The following SNX12 variants were observed in gnomAD, a reference collection of about 807,000 sequenced individuals.
SNX12 encodes sorting nexin 12, also known as sorting nexin-12.
For missense variants in SNX12, 62 were observed against 141.3 expected (o/e 0.44, Z 2.84); for synonymous variants, 47 against 56.0 (o/e 0.84, Z 0.71).
intron 3 of SNX12, among the ~76,000 whole-genome samples, 199 bp from the exon 4 acceptor site, chrX:71,061,317 A>T (rs2092130449): frequency 9.0e-6 from 1 of 111,665 alleles, no homozygotes; most frequent in African/African-American, 3.3e-5. Context: ...AAATCCCTAG[A>T]TATAACCAAC....
At chrX:71,066,355 C>T (rs762056282) in intron 1 of SNX12, among the ~76,000 whole-genome samples, 68 of 111,128 alleles carry the variant, frequency 6.1e-4, no homozygotes, top group African/African-American at 1.9e-3. Context: ...TTTGGGAGGC[C>T]GAGGCAGGAG....
At chrX:71,072,118 C>T (rs1388406815), upstream of SNX12, among the ~76,000 whole-genome samples, 2 of 110,101 alleles carry the variant, frequency 1.8e-5, no homozygotes, top group African/African-American at 3.3e-5. Context: ...ATTAGACGGG[C>T]GAGGTGGCAT....
Position 71,059,362 on chromosome X carries a change from G to A in SNX12, c.*1654C>T, listed in dbSNP as rs141364352. On this transcript the variant is annotated 3_prime_UTR_variant, in exon 4 of 4. Transcript: ENST00000374274. ...GGATATATATACACAGCAGAAATGG[G>A]GCCTCAGACTCTCAGCACTTGTGCA... 2.7e-5 allele frequency: 3 copies of A among 111,720 alleles called. No homozygotes were observed. The highest frequency in any genetic ancestry group is 5.6e-5 in the Non-Finnish European group (3 of 53,203). 9.2% of individuals were successfully genotyped at this position (111,720 alleles called of 1,213,427 possible). A position where few individuals can be genotyped will look rare whatever the true frequency, so the allele number is the denominator to read the frequency against.
upstream of SNX12, chrX:71,068,598 C>T: frequency 4.8e-6 from 1 of 208,591 alleles, no homozygotes; most frequent in African/African-American, 2.9e-5. Flanking sequence ...TACCCAATAC[C>T]CTGCCTAGCA....
upstream of SNX12, among the ~76,000 whole-genome samples, chrX:71,070,295 T>C (rs766838947): frequency 1.2e-4 from 13 of 111,802 alleles, no homozygotes; most frequent in Non-Finnish European, 1.5e-4. Context: ...AGTTGAATTA[T>C]GAAGGTATTG....
At position 71,062,819 on chromosome X, in the gene SNX12, C is replaced by A. The variant is rs41312140; in HGVS notation, c.261+35G>T. The A allele has an allele frequency of 3.3e-3, 3,358 of 1,010,055 alleles. 9 individuals carry two copies. The highest frequency in any genetic ancestry group is 4.2e-3 in the Non-Finnish European group (3,027 of 715,885). The allele number at this position is 1,010,055 out of a possible 1,213,427, so 83.2% of individuals were successfully genotyped here. ...CCCACTCAGCCTATGCAGAGCTCCT[C>A]CTCCAAAGATGCCACACAGAGAACA... On this transcript the variant is annotated intron_variant, in intron 2 of 3. Coordinates refer to ENST00000374274, the MANE Select transcript of SNX12 (RefSeq NM_013346.4).
At chrX:71,061,240 C>A in intron 3 of SNX12, 122 bp from the exon 4 acceptor site, 1 of 529,003 alleles carries the variant, frequency 1.9e-6, no homozygotes, top group Non-Finnish European at 3.2e-6. Context: ...CAGTAGAGGA[C>A]AGCAGTAGGG....
intron 1 of SNX12, among the ~76,000 whole-genome samples, chrX:71,064,851 C>T (rs1289507278): frequency 8.8e-6 from 1 of 113,032 alleles, no homozygotes; most frequent in African/African-American, 3.2e-5. Context: ...CAACTCGAAA[C>T]TCCATTAGAG....
At chrX:71,062,777 T>C in intron 2 of SNX12, 77 bp downstream of exon 2, 1 of 620,305 alleles carries the variant, frequency 1.6e-6, no homozygotes, top group South Asian at 2.3e-5. Context: ...CAAGACTTTA[T>C]AGACTGTGGT....
intron 1 of SNX12, among the ~76,000 whole-genome samples, chrX:71,065,457 T>C (rs1264502733): frequency 9.4e-6 from 1 of 106,165 alleles, no homozygotes; most frequent in African/African-American, 3.5e-5. Flanking sequence ...TCACTTGAGG[T>C]CAGGAGTTCG....
chrX:71,071,754 T>A (rs1176989057), upstream of SNX12, among the ~76,000 whole-genome samples: 1 of 82,011 alleles, frequency 1.2e-5, no homozygotes, highest in African/African-American at 4.6e-5. Context: ...ATATAAATAA[T>A]TATTTATATA....
rs1410078678 is a variant in SNX12 at position 71,059,622 on chromosome X, A to T, written c.*1394T>A. On this transcript the variant is annotated 3_prime_UTR_variant, in exon 4 of 4. Coordinates refer to ENST00000374274, the MANE Select transcript of SNX12 (RefSeq NM_013346.4). ...CTAATCTCTCTGATCAGGGTCAGTC[A>T]GAATCAGCAATCCTTTTCCACAGTG... The T allele has an allele frequency of 9.0e-6, 1 of 110,973 alleles. No individual in the cohort carries two copies. Among genetic ancestry groups the T allele is most frequent in the Non-Finnish European group, 1.9e-5 (1 of 53,037 alleles). The allele number at this position is 110,973 out of a possible 1,213,427, so 9.1% of individuals were successfully genotyped here.
At chrX:71,063,558 A>C (rs1185469165) in intron 1 of SNX12, among the ~76,000 whole-genome samples, 5 of 110,418 alleles carry the variant, frequency 4.5e-5, no homozygotes, top group Non-Finnish European at 9.5e-5. Flanking sequence ...ATGTCTATGA[A>C]TAGACAATAG....
chrX:71,069,594 CAT>C (rs2092166565), upstream of SNX12, among the ~76,000 whole-genome samples: 1 of 112,046 alleles, frequency 8.9e-6, no homozygotes, highest in Non-Finnish European at 1.9e-5. Flanking sequence ...CATGAAAAGA[CAT>C]AAAGGACAAA....
At chrX:71,062,140 T>A (rs1396003475) in intron 2 of SNX12, among the ~76,000 whole-genome samples, 173 bp from the exon 3 acceptor site, 1 of 111,395 alleles carries the variant, frequency 9.0e-6, no homozygotes, top group Non-Finnish European at 1.9e-5. Context: ...GGTCAAAAAT[T>A]AATCCGTTTC....
At chrX:71,064,699 C>T (rs2092145225) in intron 1 of SNX12, among the ~76,000 whole-genome samples, 1 of 113,047 alleles carries the variant, frequency 8.8e-6, no homozygotes, top group Non-Finnish European at 1.9e-5. Context: ...ATCTTCACTC[C>T]TGTCTACAAG....
At position 71,064,930 on chromosome X, in the gene SNX12, G is replaced by C. The variant is rs377666859; in HGVS notation, c.166-1981C>G. Among the ~76,000 whole-genome samples the C allele has an allele frequency of 2.5e-4, 28 of 112,794 alleles. 1 individual carries two copies. The East Asian group carries it at 5.8e-3, about 23-fold the overall frequency. The stretch of plus-strand genomic sequence containing the variant: ...CTGGAAATTGTCTTTTCAGGATCCA[G>C]TTCTCAAATAGGCCATCAAAAGCCA... On this transcript the variant is annotated intron_variant, in intron 1 of 3. Coordinates refer to ENST00000374274, the MANE Select transcript of SNX12 (RefSeq NM_013346.4).
chrX:71,066,582 T>C (rs1602272347), intron 1 of SNX12, among the ~76,000 whole-genome samples: 1 of 82,699 alleles, frequency 1.2e-5, no homozygotes, highest in Non-Finnish European at 2.2e-5. Flanking sequence ...AGAACGAGAC[T>C]CCATCTCTTA....
chrX:71,068,533 C>T (rs1039340195), upstream of SNX12: 16 of 271,780 alleles, frequency 5.9e-5, no homozygotes, highest in Non-Finnish European at 1.0e-4. Context: ...AGGCCATATT[C>T]AGGCTTCCGG....
Sources: allele counts gnomAD v4.1 joint callset (sites outside exome capture counted in the v4.1 genomes callset), GRCh38; gene constraint gnomAD v4.1.1; transcripts MANE v1.5; gene names NCBI Gene and HGNC (gene_info 2026-07-23, HGNC 2026-07-21).